NTM: variants seen among roughly 807,000 people sequenced by gnomAD.
NTM encodes neurotrimin, also known as IgLON family member 2.
Under a neutral mutation model 42.1 loss-of-function variants are expected in NTM, and 13 were observed. That is an observed-to-expected ratio of 0.31 (90% confidence interval 0.20 to 0.49). The LOEUF is 0.49. Among genes scored for constraint, NTM ranks in the 20% least tolerant of loss-of-function variants. The pLI is 0.99. For missense variants in NTM, 373 were observed against 452.8 expected, an observed-to-expected ratio of 0.82 and a Z score of 1.60; for synonymous variants, 187 against 179.2, an observed-to-expected ratio of 1.04 and a Z score of -0.35.
intron 1 of NTM, among the ~76,000 whole-genome samples, chr11:131,832,623 C>T (rs2042960266): frequency 6.6e-6 from 1 of 152,246 alleles, no homozygotes; most frequent in South Asian, 2.1e-4. Flanking sequence ...CAGGGTCTGG[C>T]ATTGGGGTTC....
At chr11:132,097,051 C>T (rs1443972454) in intron 2 of NTM, among the ~76,000 whole-genome samples, 2 of 152,272 alleles carry the variant, frequency 1.3e-5, no homozygotes, top group African/African-American at 4.8e-5. Flanking sequence ...TTTCAGGTGG[C>T]GTGAAGCTCC....
intron 1 of NTM, among the ~76,000 whole-genome samples, chr11:131,832,204 CAG>C (rs2042909916): frequency 7.1e-6 from 1 of 140,124 alleles, no homozygotes; most frequent in Non-Finnish European, 1.5e-5. Context: ...AAAAAAAAAA[CAG>C]AGTTCATATG....
intron 2 of NTM, among the ~76,000 whole-genome samples, chr11:132,034,190 A>C (rs1445881855): frequency 6.6e-6 from 1 of 152,168 alleles, no homozygotes. Flanking sequence ...CAAATGCTTC[A>C]AGGTCTGGGA....
At position 131,610,063 on chromosome 11, in the gene NTM, G is replaced by GAT. The variant is rs2061346238; in HGVS notation, c.82+239176_82+239177dup. 2.0e-5 allele frequency among the ~76,000 whole-genome samples: 3 copies of GAT among 152,236 alleles called. No individual in the cohort carries two copies. The South Asian group carries it at 6.2e-4, about 31-fold the overall frequency. ...TGGAAAACAAAAATGCAAAGGCACA[G>GAT]ATGACTCCAGCTTCCCACAGTGGGT... On this transcript the variant is annotated intron_variant, in intron 1 of 8. Coordinates refer to ENST00000683400, the MANE Select transcript of NTM (RefSeq NM_001352005.2).
At chr11:131,436,083 T>G (rs929961845) in intron 1 of NTM, among the ~76,000 whole-genome samples, 2 of 152,190 alleles carry the variant, frequency 1.3e-5, no homozygotes, top group African/African-American at 4.8e-5. Context: ...ATGTGATGGA[T>G]TATGTTTATT....
intron 1 of NTM, among the ~76,000 whole-genome samples, chr11:131,627,526 C>G (rs2063239645): frequency 6.6e-6 from 1 of 151,946 alleles, no homozygotes; most frequent in African/African-American, 2.4e-5. Flanking sequence ...GAAAAAGGGT[C>G]AAAGACAAAA....
intron 1 of NTM, among the ~76,000 whole-genome samples, chr11:131,566,262 G>C (rs1238007343): frequency 6.6e-6 from 1 of 152,182 alleles, no homozygotes; most frequent in African/African-American, 2.4e-5. Context: ...CTGCTAAGTT[G>C]ACAGATGCAT....
intron 1 of NTM, among the ~76,000 whole-genome samples, chr11:131,589,407 A>T (rs1193086348): frequency 6.6e-6 from 1 of 152,156 alleles, no homozygotes; most frequent in Non-Finnish European, 1.5e-5. Flanking sequence ...TCACACTGCC[A>T]TCCCCCTCAA....
chr11:131,535,319 A>G (rs2052004615), intron 1 of NTM: 1 of 152,236 alleles, frequency 6.6e-6, no homozygotes, highest in Non-Finnish European at 1.5e-5. Flanking sequence ...TGGCAATAAA[A>G]GAAATAAATA....
intron 1 of NTM, among the ~76,000 whole-genome samples, chr11:131,839,430 G>A (rs77147587): frequency 0.04 from 6,155 of 152,178 alleles, 422 homozygotes; most frequent in African/African-American, 0.14. Context: ...GAAATGAGTC[G>A]GGGGACATCT....
At chr11:132,006,726 G>A (rs751539945) in intron 2 of NTM, among the ~76,000 whole-genome samples, 4 of 152,226 alleles carry the variant, frequency 2.6e-5, no homozygotes, top group Non-Finnish European at 5.9e-5. Flanking sequence ...AAGAATGAGT[G>A]TAGACCAGGT....
intron 3 of NTM, among the ~76,000 whole-genome samples, chr11:132,163,898 T>A (rs147018055): frequency 6.6e-6 from 1 of 152,188 alleles, no homozygotes; most frequent in Non-Finnish European, 1.5e-5. Flanking sequence ...CTTTGTTTTT[T>A]TTTTTATTTT....
chr11:131,482,287 T>A (rs926482684), intron 1 of NTM, among the ~76,000 whole-genome samples: 3 of 152,044 alleles, frequency 2.0e-5, no homozygotes, highest in Non-Finnish European at 4.4e-5. Context: ...AGCTCTTGAT[T>A]CCCCCCACCC....
At chr11:132,126,996 T>C (rs943268346) in intron 2 of NTM, among the ~76,000 whole-genome samples, 4 of 152,216 alleles carry the variant, frequency 2.6e-5, no homozygotes, top group African/African-American at 9.6e-5. Context: ...CAGTCTTTTT[T>C]CTTGAGAGTT....
At chr11:132,071,985 G>A (rs1438941856) in intron 2 of NTM, among the ~76,000 whole-genome samples, 1 of 152,132 alleles carries the variant, frequency 6.6e-6, no homozygotes. Flanking sequence ...TACAGATAGT[G>A]GTTCTTATAG....
At chr11:132,314,496 C>T (rs770462524) in intron 6 of NTM, 56 bp from the exon 7 acceptor site, 14 of 1,543,644 alleles carry the variant, frequency 9.1e-6, no homozygotes, top group African/African-American at 1.4e-5. Context: ...TATCTTCTTC[C>T]TATGAGGACA....
intron 2 of NTM, among the ~76,000 whole-genome samples, chr11:132,007,328 T>C (rs1165481921): frequency 6.6e-6 from 1 of 152,154 alleles, no homozygotes; most frequent in Non-Finnish European, 1.5e-5. Flanking sequence ...TGGTGCTCAT[T>C]CATCCCAGGA....
chr11:131,808,082 GA>G (rs2092587377), intron 1 of NTM, among the ~76,000 whole-genome samples: 1 of 152,180 alleles, frequency 6.6e-6, no homozygotes, highest in African/African-American at 2.4e-5. Flanking sequence ...GTCTTGGCTG[GA>G]CAGGTGACTC....
chr11:132,013,171 A>G (rs2072614292), intron 2 of NTM, among the ~76,000 whole-genome samples: 1 of 152,314 alleles, frequency 6.6e-6, no homozygotes, highest in East Asian at 1.9e-4. Flanking sequence ...AAGGAAGGGT[A>G]CCATGAAGAT....
Sources: allele counts gnomAD v4.1 joint callset (sites outside exome capture counted in the v4.1 genomes callset), GRCh38; gene constraint gnomAD v4.1.1; transcripts MANE v1.5; gene names NCBI Gene and HGNC (gene_info 2026-07-23, HGNC 2026-07-21).